The following DCPS variants were observed in gnomAD, a reference collection of about 807,000 sequenced individuals.
The protein encoded by DCPS is decapping enzyme, scavenger, also known as m7GpppX diphosphatase.
A neutral mutation model predicts 34.7 loss-of-function variants in DCPS; 27 were observed. The ratio of observed to expected loss-of-function variants is 0.78; its 90% CI spans 0.57 to 1.07. DCPS has a LOEUF of 1.07. Ranked by LOEUF, DCPS falls within the 50% of genes least tolerant of loss-of-function variation. The pLI, the probability that DCPS is intolerant of heterozygous loss-of-function variation, is 0.00. For synonymous variants in DCPS, 185 were observed against 185.7 expected, an observed-to-expected ratio of 1.00 and a Z score of 0.03; for missense variants, 464 against 436.9, an observed-to-expected ratio of 1.06 and a Z score of -0.55.
chr11:126,349,041 AC>A lies in DCPS; in HGVS notation c.*3430del, dbSNP rs1443918179. 1.3e-5 allele frequency among the ~76,000 whole-genome samples: 2 copies of A among 152,204 alleles called. No individual in the cohort carries two copies. The highest frequency in any genetic ancestry group is 2.9e-5 in the Non-Finnish European group (2 of 68,044). ...TCAAAAAACATGTGGCGAATGGAGGACCAGAGCTAGGCTCTGAATGAGGCCT... is the reference window on the plus strand; with the variant it reads ...TCAAAAAACATGTGGCGAATGGAGGACAGAGCTAGGCTCTGAATGAGGCCT... On this transcript the variant is annotated 3_prime_UTR_variant, in exon 6 of 6. Transcript: ENST00000263579. The surrounding 1 kb of genome is among the most constrained non-coding windows in gnomAD (Gnocchi z 5.4).
intron 5 of DCPS, 29 bp downstream of exon 5, chr11:126,343,446 G>T (rs240537): frequency 0.26 from 398,316 of 1,552,914 alleles, 52,051 homozygotes; most frequent in Admixed American, 0.27. Flanking sequence ...CCACGTGGAA[G>T]CTCAGAGAAA....
In DCPS at chr11:126,312,821, G is replaced by C. The variant is rs1472135086; in HGVS notation, c.376+6077G>C. The stretch of plus-strand genomic sequence containing the variant: ...TATTTTTTTCCACCTTTCAATTTAT[G>C]TGAGCTTTAAATGGAATAATATATA... On this transcript the variant is annotated intron_variant, in intron 2 of 5. Coordinates refer to ENST00000263579, the MANE Select transcript of DCPS (RefSeq NM_014026.6). This position sits in a 1 kb window ranked among gnomAD's most constrained non-coding sequence, Gnocchi z 5.1. Among the ~76,000 whole-genome samples, 2 of 152,164 alleles carry C rather than the reference G, an allele frequency of 1.3e-5. No individual in the cohort carries two copies. Among genetic ancestry groups the C allele is most frequent in the African/African-American group, 4.8e-5 (2 of 41,424 alleles).
At chr11:126,304,526 G>C (rs1951547354) in intron 1 of DCPS, among the ~76,000 whole-genome samples, 1 of 152,096 alleles carries the variant, frequency 6.6e-6, no homozygotes, top group Non-Finnish European at 1.5e-5. Context: ...TATCTACTGG[G>C]AGAGTGCATT....
rs1293801257 is a variant in DCPS at position 126,304,253 on chromosome 11, G to A, written c.173G>A (p.Arg58Gln). 1 of 1,614,208 alleles carries A rather than the reference G, an allele frequency of 6.2e-7. No homozygotes were observed. Among genetic ancestry groups the A allele is most frequent in the East Asian group, 2.2e-5 (1 of 44,882 alleles). The stretch of plus-strand genomic sequence containing the variant: ...CAGAAGGTGCTGAGGGAGTCTGCGC[G>A]GGACAAAATCATTTTCCTACACGGG... ...RLQKVLRESARDKIIFLHGKV... is the reference protein window; with the variant it reads ...RLQKVLRESAQDKIIFLHGKV... The change falls in exon 1 of 6, where the codon CGG becomes CAG. Residue 58 changes from arginine to glutamine, a missense_variant. Transcript: ENST00000263579.
Position 126,331,590 on chromosome 11 carries a change from G to A in DCPS, c.522+40G>A, listed in dbSNP as rs1489897795. The A allele has an allele frequency of 2.5e-6, 4 of 1,606,348 alleles. No homozygotes were observed. The highest frequency in any genetic ancestry group is 3.4e-6 in the Non-Finnish European group (4 of 1,175,952). On this transcript the variant is annotated intron_variant, in intron 3 of 5. Coordinates refer to ENST00000263579, the MANE Select transcript of DCPS (RefSeq NM_014026.6). The surrounding 1 kb of genome is among the most constrained non-coding windows in gnomAD (Gnocchi z 7.2). ...GTCTCAGACGCAGAGCACTGCTCCC[G>A]TGGCTGGTGCCTCCTCTTACGAGTG...
chr11:126,341,090 A>AT (rs1315297547), intron 4 of DCPS: 63 of 152,232 alleles, frequency 4.1e-4, no homozygotes, highest in Admixed American at 4.1e-3. Flanking sequence ...GTACATGTAT[A>AT]TATGGATACA....
Position 126,338,550 on chromosome 11 carries a change from T to A in DCPS, c.636+151T>A. On this transcript the variant is annotated intron_variant, in intron 4 of 5. Transcript: ENST00000263579. The surrounding 1 kb of genome is among the most constrained non-coding windows in gnomAD (Gnocchi z 5.4). ...GCCTGAGCTCTCTGTGGGGACTGGG[T>A]GGATACCTGTCATACATAAGTGCTT... The A allele has an allele frequency of 1.4e-6, 1 of 700,208 alleles. No homozygotes were observed. Among genetic ancestry groups the A allele is most frequent in the Non-Finnish European group, 2.5e-6 (1 of 405,382 alleles). The allele number at this position is 700,208 out of a possible 1,614,324, so 43.4% of individuals were successfully genotyped here.
intron 4 of DCPS, among the ~76,000 whole-genome samples, chr11:126,340,356 C>A (rs1277959128): frequency 6.6e-6 from 1 of 151,738 alleles, no homozygotes; most frequent in African/African-American, 2.4e-5. Flanking sequence ...GAGTCTCACT[C>A]TGTTGCCCAG....
Position 126,317,873 on chromosome 11 carries a change from C to T in DCPS, c.376+11129C>T, listed in dbSNP as rs183423568. Among the ~76,000 whole-genome samples the T allele has an allele frequency of 1.4e-4, 22 of 152,328 alleles. 1 individual carries two copies. Among genetic ancestry groups the T allele is most frequent in the African/African-American group, 4.6e-4 (19 of 41,574 alleles). ...CATTAGCTCTTGCTCTTCCTGTTCA[C>T]ACGGAGCTTTGCAGAGTGCCATTAG... is the stretch of plus-strand genomic sequence containing the variant. On this transcript the variant is annotated intron_variant, in intron 2 of 5. Coordinates refer to ENST00000263579, the MANE Select transcript of DCPS (RefSeq NM_014026.6).
rs994732186 is a variant in DCPS, at chr11:126,313,003, A to G, written c.376+6259A>G. 6.6e-6 allele frequency among the ~76,000 whole-genome samples: 1 copy of G among 152,108 alleles called. No individual in the cohort carries two copies. The highest frequency in any genetic ancestry group is 2.4e-5 in the African/African-American group (1 of 41,394). ...GCAGGGCCTGCATCTCCTTTCTGCC[A>G]TAGCTGTCACCCTGCGGCCTGTCAA... is the stretch of plus-strand genomic sequence containing the variant. On this transcript the variant is annotated intron_variant, in intron 2 of 5. Transcript: ENST00000263579. This position sits in a 1 kb window ranked among gnomAD's most constrained non-coding sequence, Gnocchi z 4.9.
rs1040347609 is a variant in DCPS at position 126,332,280 on chromosome 11, C to T, written c.522+730C>T. On this transcript the variant is annotated intron_variant, in intron 3 of 5. Coordinates refer to ENST00000263579, the MANE Select transcript of DCPS (RefSeq NM_014026.6). The surrounding 1 kb of genome is among the most constrained non-coding windows in gnomAD (Gnocchi z 5.4). The stretch of plus-strand genomic sequence containing the variant: ...CGTCTGGCCAGGCCAGATGCAAGGC[C>T]ATTTAGCTCCAAGATCCTGACTCCT... Among the ~76,000 whole-genome samples, 1 of 152,244 alleles carries T rather than the reference C, an allele frequency of 6.6e-6. No individual in the cohort carries two copies. Among genetic ancestry groups the T allele is most frequent in the African/African-American group, 2.4e-5 (1 of 41,474 alleles).
chr11:126,316,142 G>C (rs1951656901), intron 2 of DCPS, among the ~76,000 whole-genome samples: 1 of 151,902 alleles, frequency 6.6e-6, no homozygotes, highest in Non-Finnish European at 1.5e-5. Context: ...CTTTTTCATG[G>C]AGTTTTTAGT....
intron 4 of DCPS, chr11:126,341,160 C>A (rs1951872641): frequency 6.6e-6 from 1 of 152,246 alleles, no homozygotes; most frequent in Non-Finnish European, 1.5e-5. Flanking sequence ...GACCAGGCAA[C>A]TCTTCCTTTG....
In DCPS at chr11:126,338,045, C is replaced by T; in HGVS notation, c.523-241C>T. ...CCTGGCCCCTTCCAAGCTGCAGAGA[C>T]CCTTGTGATGACGCATGGCTGAGTG... On this transcript the variant is annotated intron_variant, in intron 3 of 5. Transcript: ENST00000263579. The surrounding 1 kb of genome is among the most constrained non-coding windows in gnomAD (Gnocchi z 5.4). 3.7e-6 allele frequency: 2 copies of T among 535,140 alleles called. No homozygotes were observed. The highest frequency in any genetic ancestry group is 3.4e-6 in the Non-Finnish European group (1 of 296,340). 33.1% of individuals were successfully genotyped at this position (535,140 alleles called of 1,614,324 possible).
Position 126,336,387 on chromosome 11 carries a change from C to T in DCPS, c.523-1899C>T, listed in dbSNP as rs903688995. The stretch of plus-strand genomic sequence containing the variant: ...CTCGTGGGGGTCTCCCTTATACTGG[C>T]TGTGCTAGGTGCTTTCATGTGCGTG... On this transcript the variant is annotated intron_variant, in intron 3 of 5. Coordinates refer to ENST00000263579, the MANE Select transcript of DCPS (RefSeq NM_014026.6). This position sits in a 1 kb window ranked among gnomAD's most constrained non-coding sequence, Gnocchi z 6.3. 8 of 152,320 alleles carry T rather than the reference C, an allele frequency of 5.3e-5. No individual in the cohort carries two copies. Among genetic ancestry groups the T allele is most frequent in the African/African-American group, 1.9e-4 (8 of 41,458 alleles). 9.4% of individuals were successfully genotyped at this position (152,320 alleles called of 1,614,324 possible). A position where few individuals can be genotyped will look rare whatever the true frequency, so the allele number is the denominator to read the frequency against.
At chr11:126,307,263 G>A (rs1168691681) in intron 2 of DCPS, among the ~76,000 whole-genome samples, 1 of 150,966 alleles carries the variant, frequency 6.6e-6, no homozygotes, top group Non-Finnish European at 1.5e-5. Flanking sequence ...AACCCAGGAG[G>A]CAGAGGTTAC....
intron 2 of DCPS, among the ~76,000 whole-genome samples, chr11:126,321,218 G>A (rs1951703866): frequency 6.8e-6 from 1 of 146,188 alleles, no homozygotes; most frequent in Non-Finnish European, 1.5e-5. Flanking sequence ...TGGCGCCACC[G>A]CACTCCATCC....
Position 126,333,277 on chromosome 11 carries a change from C to T in DCPS, c.522+1727C>T, listed in dbSNP as rs1409590049. Among the ~76,000 whole-genome samples, 2 of 152,226 alleles carry T rather than the reference C, an allele frequency of 1.3e-5. No homozygotes were observed. Among genetic ancestry groups the T allele is most frequent in the Non-Finnish European group, 2.9e-5 (2 of 68,052 alleles). On this transcript the variant is annotated intron_variant, in intron 3 of 5. Transcript: ENST00000263579. The surrounding 1 kb of genome is among the most constrained non-coding windows in gnomAD (Gnocchi z 5.7). ...TTCTTGGCTATTTCTAGTTTACAAG[C>T]ACTCAGCTTAACTGGCAACACTCAT...
rs752225124 is a variant in DCPS, at chr11:126,345,894, C to T, written c.*281C>T. On this transcript the variant is annotated 3_prime_UTR_variant, in exon 6 of 6. Coordinates refer to ENST00000263579, the MANE Select transcript of DCPS (RefSeq NM_014026.6). The surrounding 1 kb of genome is among the most constrained non-coding windows in gnomAD (Gnocchi z 7.4). ...GGTGGGAGCTGCCCTGGAAGGGTGC[C>T]GAGGGCCTTCTCCAAGCCCCAGGGC... 1.2e-4 allele frequency: 61 copies of T among 504,546 alleles called. 1 individual carries two copies. The highest frequency in any genetic ancestry group is 1.2e-3 in the South Asian group (53 of 45,890). 31.3% of individuals were successfully genotyped at this position (504,546 alleles called of 1,614,324 possible). A position where few individuals can be genotyped will look rare whatever the true frequency, so the allele number is the denominator to read the frequency against.
Sources: gnomAD v4.1 joint callset for allele counts (sites outside exome capture counted in the v4.1 genomes callset) on GRCh38, gnomAD v4.1.1 for gene constraint, Gnocchi (gnomAD v3.1) non-coding constraint, MANE v1.5 for transcripts, NCBI Gene and HGNC (gene_info 2026-07-23, HGNC 2026-07-21) for gene names.